Variants in PTPRD observed in about 807,000 individuals in gnomAD.
PTPRD encodes receptor-type tyrosine-protein phosphatase delta.
A neutral mutation model predicts 214.5 loss-of-function variants in PTPRD; 34 were observed. The observed-to-expected ratio is 0.16, with a 90% CI of 0.12 to 0.21. The LOEUF (loss-of-function observed/expected upper bound fraction) is 0.21. PTPRD is among the 10% of genes least tolerant of loss of function. The probability of loss-of-function intolerance (pLI) is 1.00; values close to 1 mark genes in which losing one functional copy is unlikely to be tolerated. For synonymous variants in PTPRD, 1,128 were observed against 845.7 expected (o/e 1.33, Z -5.79); for missense variants, 2,545 against 2,398.7 (o/e 1.06, Z -1.27).
At position 9,023,210 on chromosome 9, in the gene PTPRD, G is replaced by T. The variant is rs183859315; in HGVS notation, c.-142-4475C>A. ...TCACAACAGTAAGTGAGACATCATAGCTAAATGTGGGACTTGATATTACTC... is the reference window on the plus strand; with the variant it reads ...TCACAACAGTAAGTGAGACATCATATCTAAATGTGGGACTTGATATTACTC... On this transcript the variant is annotated intron_variant, in intron 10 of 45. Coordinates refer to ENST00000381196, the MANE Select transcript of PTPRD (RefSeq NM_002839.4). 1.1e-3 allele frequency among the ~76,000 whole-genome samples: 172 copies of T among 152,236 alleles called. No individual in the cohort carries two copies. The Middle Eastern group carries it at 0.024, about 21-fold the overall frequency.
chr9:9,758,579 C>T (rs1368242385), intron 6 of PTPRD, among the ~76,000 whole-genome samples: 1 of 152,138 alleles, frequency 6.6e-6, no homozygotes, highest in African/African-American at 2.4e-5. Context: ...GTGGCTACAA[C>T]CAACAAAGGA....
rs138383549 is a variant in PTPRD at position 9,235,992 on chromosome 9, G to A, written c.-202-52629C>T. On this transcript the variant is annotated intron_variant, in intron 9 of 45. Transcript: ENST00000381196. ...AAAAAGAGCAAAATTGGCCAGGTGCGGTGTCTCATGCCTGTAATCCCAGCA... is the reference window on the plus strand; with the variant it reads ...AAAAAGAGCAAAATTGGCCAGGTGCAGTGTCTCATGCCTGTAATCCCAGCA... Among the ~76,000 whole-genome samples the A allele has an allele frequency of 2.8e-3, 419 of 152,198 alleles. 1 individual carries two copies. The highest frequency in any genetic ancestry group is 9.2e-3 in the African/African-American group (381 of 41,540).
chr9:10,468,451 G>C (rs1228469212), intron 2 of PTPRD, among the ~76,000 whole-genome samples: 1 of 152,134 alleles, frequency 6.6e-6, no homozygotes, highest in Non-Finnish European at 1.5e-5. Flanking sequence ...GGTGAACAAT[G>C]AGAACACATG....
At chr9:9,623,180 G>A (rs140073660) in intron 7 of PTPRD, among the ~76,000 whole-genome samples, 22 of 152,118 alleles carry the variant, frequency 1.4e-4, no homozygotes, top group African/African-American at 5.1e-4. Flanking sequence ...TAATTATATT[G>A]AGACAAGATA....
chr9:8,720,920 G>C (rs1304087788), intron 12 of PTPRD, among the ~76,000 whole-genome samples: 1 of 152,066 alleles, frequency 6.6e-6, no homozygotes, highest in Non-Finnish European at 1.5e-5. Context: ...TCTCTTGCCT[G>C]CTCTTTTCAG....
chr9:10,023,367 A>G (rs1480848775), intron 4 of PTPRD, among the ~76,000 whole-genome samples: 2 of 152,156 alleles, frequency 1.3e-5, no homozygotes, highest in Non-Finnish European at 2.9e-5. Context: ...ATGCCTGAAT[A>G]ATGGGGTATT....
intron 5 of PTPRD, among the ~76,000 whole-genome samples, chr9:9,931,634 G>A (rs924298553): frequency 4.6e-5 from 7 of 151,638 alleles, no homozygotes; most frequent in African/African-American, 1.5e-4. Context: ...CTGCAAGACG[G>A]CAACGAGGCT....
chr9:9,342,744 A>T (rs2047293932), intron 9 of PTPRD, among the ~76,000 whole-genome samples: 1 of 151,042 alleles, frequency 6.6e-6, no homozygotes, highest in Non-Finnish European at 1.5e-5. Flanking sequence ...AAGTTCTGGG[A>T]TACATGTGCA....
Position 9,379,171 on chromosome 9 carries a change from TG to T in PTPRD, c.-203+18277del, listed in dbSNP as rs543711484. ...ATGATCCATTTGAGTTAAAAATTTTTGTGAAGGGCATAGGTCTATGTTGAGA... is the reference window on the plus strand; with the variant it reads ...ATGATCCATTTGAGTTAAAAATTTTTTGAAGGGCATAGGTCTATGTTGAGA... On this transcript the variant is annotated intron_variant, in intron 9 of 45. Coordinates refer to ENST00000381196, the MANE Select transcript of PTPRD (RefSeq NM_002839.4). Among the ~76,000 whole-genome samples the T allele has an allele frequency of 4.2e-3, 624 of 149,228 alleles. 3 individuals carry two copies. Among genetic ancestry groups the T allele is most frequent in the African/African-American group, 0.014 (593 of 40,906 alleles).
At chr9:9,163,929 G>A (rs2099895967) in intron 10 of PTPRD, among the ~76,000 whole-genome samples, 1 of 152,042 alleles carries the variant, frequency 6.6e-6, no homozygotes, top group Non-Finnish European at 1.5e-5. Context: ...CATCCTTCAA[G>A]TCTTATGTTA....
chr9:10,362,467 A>G (rs2097413462), intron 2 of PTPRD, among the ~76,000 whole-genome samples: 1 of 152,040 alleles, frequency 6.6e-6, no homozygotes, highest in Non-Finnish European at 1.5e-5. Context: ...ACAAAAGAAT[A>G]TGTAGAAGGT....
At chr9:8,715,847 A>T (rs769421072) in intron 12 of PTPRD, among the ~76,000 whole-genome samples, 57 of 152,370 alleles carry the variant, frequency 3.7e-4, no homozygotes, top group Non-Finnish European at 6.8e-4. Context: ...TTAGCACCAA[A>T]TGTTTAGCCT....
chr9:8,350,297 G>A (rs574802224), intron 39 of PTPRD, among the ~76,000 whole-genome samples: 1 of 152,152 alleles, frequency 6.6e-6, no homozygotes, highest in East Asian at 1.9e-4. Flanking sequence ...TCACTGATCT[G>A]GCAAAGAAAG....
chr9:8,865,570 CT>C (rs1276638996), intron 11 of PTPRD, among the ~76,000 whole-genome samples: 1 of 152,078 alleles, frequency 6.6e-6, no homozygotes, highest in African/African-American at 2.4e-5. Context: ...TCCTTTTCTT[CT>C]TTTTTCCTAT....
chr9:8,526,572 A>G (rs1266885130), intron 17 of PTPRD, 55 bp downstream of exon 17: 2 of 1,466,504 alleles, frequency 1.4e-6, no homozygotes, highest in Non-Finnish European at 1.8e-6. Context: ...AGAGGGATGA[A>G]AGGACAGAAA....
At chr9:8,676,205 T>C (rs1468397917) in intron 12 of PTPRD, among the ~76,000 whole-genome samples, 1 of 152,108 alleles carries the variant, frequency 6.6e-6, no homozygotes, top group Non-Finnish European at 1.5e-5. Flanking sequence ...CCTTTAAGCA[T>C]CACCTTCTTC....
intron 10 of PTPRD, among the ~76,000 whole-genome samples, chr9:9,104,361 T>C (rs2099795541): frequency 6.6e-6 from 1 of 152,222 alleles, no homozygotes; most frequent in South Asian, 2.1e-4. Context: ...GAATATGGGC[T>C]CTATAAAAAC....
chr9:10,477,266 G>T (rs2099069133), intron 2 of PTPRD, among the ~76,000 whole-genome samples: 1 of 151,902 alleles, frequency 6.6e-6, no homozygotes, highest in Non-Finnish European at 1.5e-5. Context: ...AATCTACAAG[G>T]AACTTAAACA....
intron 9 of PTPRD, among the ~76,000 whole-genome samples, chr9:9,366,379 T>C (rs1000080767): frequency 2.0e-5 from 3 of 151,504 alleles, no homozygotes; most frequent in South Asian, 2.1e-4. Context: ...TCTTGAATCA[T>C]TGAGAGTAGG....
Sources: gnomAD v4.1 joint callset for allele counts (sites outside exome capture counted in the v4.1 genomes callset) on GRCh38, gnomAD v4.1.1 for gene constraint, MANE v1.5 for transcripts, NCBI Gene and HGNC (gene_info 2026-07-23, HGNC 2026-07-21) for gene names.